The following ENOX1 variants were observed in gnomAD, a reference collection of about 807,000 sequenced individuals.
ENOX1 encodes the protein candidate growth-related and time keeping constitutive hydroquinone (NADH) oxidase.
In ENOX1, 42 loss-of-function variants were observed where a neutral mutation model predicts 82.5. That is an observed-to-expected ratio of 0.51 (90% CI 0.40 to 0.66). The LOEUF (loss-of-function observed/expected upper bound fraction) is 0.66. Among genes scored for constraint, ENOX1 ranks in the 30% least tolerant of loss-of-function variants. The pLI, the probability that ENOX1 is intolerant of heterozygous loss-of-function variation, is 0.00. For synonymous variants in ENOX1, 271 were observed against 282.2 expected (o/e 0.96, Z 0.40); for missense variants, 608 against 811.6 (o/e 0.75, Z 3.05).
At chr13:43,600,092 T>C (rs1435626989) in intron 2 of ENOX1, among the ~76,000 whole-genome samples, 1 of 152,010 alleles carries the variant, frequency 6.6e-6, no homozygotes, top group Non-Finnish European at 1.5e-5. Flanking sequence ...ACCCAGCATA[T>C]TGCCAGCTGA....
chr13:43,627,377 T>C (rs770179424), intron 2 of ENOX1, among the ~76,000 whole-genome samples: 4 of 152,098 alleles, frequency 2.6e-5, no homozygotes, highest in Non-Finnish European at 5.9e-5. Flanking sequence ...CATTTTAGAA[T>C]TCCATTTTGA....
At chr13:43,616,179 T>TAG (rs1566642088) in intron 2 of ENOX1, among the ~76,000 whole-genome samples, 10 of 6,920 alleles carry the variant, frequency 1.4e-3, no homozygotes, top group Non-Finnish European at 2.8e-3. Context: ...TCTATCTATC[T>TAG]ATCTATCTAT....
In ENOX1 at chr13:43,603,373, TTTTATTTA is replaced by T. The variant is rs146490762; in HGVS notation, c.-219+64098_-219+64105del. Among the ~76,000 whole-genome samples the T allele has an allele frequency of 5.3e-5, 8 of 149,690 alleles. No individual in the cohort carries two copies. In the East Asian group the frequency reaches 7.9e-4, roughly 15 times the overall value. On this transcript the variant is annotated intron_variant, in intron 2 of 16. Transcript: ENST00000690772. Reference sequence around the variant, plus strand: ...AGCTGCTTTTTTTTCCTTTTATTTATTTTATTTATTTATTTATTTTATTATTATTATAC... The same window carrying T: ...AGCTGCTTTTTTTTCCTTTTATTTATTTTATTTATTTTATTATTATTATAC...
At chr13:43,638,909 A>ATTTTGT (rs1312051829) in intron 2 of ENOX1, among the ~76,000 whole-genome samples, 1 of 152,204 alleles carries the variant, frequency 6.6e-6, no homozygotes, top group Non-Finnish European at 1.5e-5. Context: ...AAATCTAAAT[A>ATTTTGT]TTTTGTTTTT....
chr13:43,601,945 C>T (rs1364485609), intron 2 of ENOX1, among the ~76,000 whole-genome samples: 1 of 151,778 alleles, frequency 6.6e-6, no homozygotes, highest in African/African-American at 2.4e-5. Flanking sequence ...AATAGTATAT[C>T]CAGTGAAAAT....
At chr13:43,249,050 A>G (rs1267179614) in intron 14 of ENOX1, among the ~76,000 whole-genome samples, 2 of 152,168 alleles carry the variant, frequency 1.3e-5, no homozygotes, top group Non-Finnish European at 2.9e-5. Context: ...ATAACTTAAT[A>G]ATGACTATCA....
intron 3 of ENOX1, among the ~76,000 whole-genome samples, chr13:43,439,175 G>A (rs936211136): frequency 2.0e-5 from 3 of 149,132 alleles, no homozygotes; most frequent in African/African-American, 7.4e-5. Flanking sequence ...TCAGCCTCCC[G>A]AGTAGCTGGG....
intron 4 of ENOX1, among the ~76,000 whole-genome samples, 173 bp from the exon 5 acceptor site, chr13:43,412,226 T>C (rs1386990497): frequency 2.0e-5 from 3 of 152,178 alleles, no homozygotes; most frequent in Admixed American, 1.3e-4. Flanking sequence ...CACAAAGTGT[T>C]TCCAAATACT....
rs1184653948 is a variant in ENOX1, at chr13:43,786,107, C to T, written c.-285+545G>A. Among the ~76,000 whole-genome samples the T allele has an allele frequency of 1.3e-5, 2 of 152,156 alleles. No homozygotes were observed. The highest frequency in any genetic ancestry group is 2.4e-5 in the African/African-American group (1 of 41,436). On this transcript the variant is annotated intron_variant, in intron 1 of 16. Transcript: ENST00000690772. This position sits in a 1 kb window ranked among gnomAD's most constrained non-coding sequence, Gnocchi z 6.0. Reference sequence around the variant, plus strand: ...GGGACAGTCACGAATAACAACAGTACCCAGCGCAGACTAGGCGGGGAGGAA... The same window carrying T: ...GGGACAGTCACGAATAACAACAGTATCCAGCGCAGACTAGGCGGGGAGGAA...
chr13:43,449,519 T>G (rs1422269554), intron 3 of ENOX1, among the ~76,000 whole-genome samples: 1 of 152,222 alleles, frequency 6.6e-6, no homozygotes, highest in Non-Finnish European at 1.5e-5. Flanking sequence ...GAAAGTTTCC[T>G]TTTCTAATAT....
In ENOX1 at chr13:43,467,188, G is replaced by T. The variant is rs542484684; in HGVS notation, c.-75+16821C>A. 1.5e-4 allele frequency among the ~76,000 whole-genome samples: 23 copies of T among 152,264 alleles called. 1 individual carries two copies. Among genetic ancestry groups the T allele is most frequent in the East Asian group, 3.9e-4 (2 of 5,186 alleles). On this transcript the variant is annotated intron_variant, in intron 3 of 16. Coordinates refer to ENST00000690772, the MANE Select transcript of ENOX1 (RefSeq NM_001347969.2). Reference sequence around the variant, plus strand: ...ATTAACTTTTTAAGAAAATGTCAAGGTGTTTTATCAAAGTGGTTACAGCAC... The same window carrying T: ...ATTAACTTTTTAAGAAAATGTCAAGTTGTTTTATCAAAGTGGTTACAGCAC...
At chr13:43,260,394 T>C (rs377322792) in intron 14 of ENOX1, among the ~76,000 whole-genome samples, 2 of 152,302 alleles carry the variant, frequency 1.3e-5, no homozygotes, top group African/African-American at 4.8e-5. Context: ...TTAACCCCAG[T>C]GTGGGAGTGT....
intron 1 of ENOX1, among the ~76,000 whole-genome samples, chr13:43,785,451 G>C (rs1566925284): frequency 6.6e-6 from 1 of 152,156 alleles, no homozygotes; most frequent in Non-Finnish European, 1.5e-5. Context: ...CAGTTGGCCA[G>C]GAACCTTTCC....
chr13:43,336,189 T>C (rs2048699517), intron 9 of ENOX1, among the ~76,000 whole-genome samples: 1 of 152,166 alleles, frequency 6.6e-6, no homozygotes, highest in Non-Finnish European at 1.5e-5. Context: ...ATAAAAAATG[T>C]TTGGCTGAGA....
At chr13:43,311,744 G>A (rs530597533) in intron 11 of ENOX1, among the ~76,000 whole-genome samples, 1 of 152,232 alleles carries the variant, frequency 6.6e-6, no homozygotes, top group Admixed American at 6.5e-5. Context: ...CCCTTAATCT[G>A]GCACTGTAAA....
intron 3 of ENOX1, among the ~76,000 whole-genome samples, chr13:43,428,412 T>C (rs2055455332): frequency 6.6e-6 from 1 of 152,186 alleles, no homozygotes; most frequent in Non-Finnish European, 1.5e-5. Flanking sequence ...ATCATCATTA[T>C]CAAGGACTGT....
chr13:43,785,768 G>A (rs1393368575), intron 1 of ENOX1, among the ~76,000 whole-genome samples: 1 of 152,252 alleles, frequency 6.6e-6, no homozygotes, highest in East Asian at 1.9e-4. Context: ...CCCCCCTTCC[G>A]AAAGAGGGCG....
Position 43,563,720 on chromosome 13 carries a change from C to A in ENOX1, c.-218-79568G>T, listed in dbSNP as rs74463367. Among the ~76,000 whole-genome samples the A allele has an allele frequency of 5.8e-3, 879 of 152,048 alleles. 7 individuals carry two copies. The highest frequency in any genetic ancestry group is 0.02 in the African/African-American group (850 of 41,486). ...AGGACTGTTAGAGGCTACTATGAGC[C>A]ACTGTATGCCAATACATTGGGAAAC... On this transcript the variant is annotated intron_variant, in intron 2 of 16. Coordinates refer to ENST00000690772, the MANE Select transcript of ENOX1 (RefSeq NM_001347969.2).
chr13:43,584,729 CAAA>C (rs2080899336), intron 2 of ENOX1, among the ~76,000 whole-genome samples: 1 of 152,134 alleles, frequency 6.6e-6, no homozygotes, highest in African/African-American at 2.4e-5. Context: ...CCATGTGAAT[CAAA>C]GAAGTCGACA....
Sources: gnomAD v4.1 joint callset for allele counts (sites outside exome capture counted in the v4.1 genomes callset) on GRCh38, gnomAD v4.1.1 for gene constraint, Gnocchi (gnomAD v3.1) non-coding constraint, MANE v1.5 for transcripts, NCBI Gene and HGNC (gene_info 2026-07-23, HGNC 2026-07-21) for gene names.